The following PCNX1 variants were observed in gnomAD, a reference collection of about 807,000 sequenced individuals.
PCNX1 encodes the protein pecanex-like protein 1.
Under a neutral mutation model 242.2 loss-of-function variants are expected in PCNX1, and 78 were observed. That is an observed-to-expected ratio of 0.32 (90% confidence interval 0.27 to 0.39). The LOEUF is 0.39. Ranked by LOEUF, PCNX1 falls within the 10% of genes least tolerant of loss-of-function variation. The pLI, the probability that PCNX1 is intolerant of heterozygous loss-of-function variation, is 1.00. For missense variants in PCNX1, 2,581 were observed against 2,856.5 expected (o/e 0.90, Z 2.20); for synonymous variants, 1,024 against 1,032.9 (o/e 0.99, Z 0.17).
chr14:70,957,175 G>A (rs2058028144), intron 2 of PCNX1, among the ~76,000 whole-genome samples: 1 of 151,938 alleles, frequency 6.6e-6, no homozygotes, highest in African/African-American at 2.4e-5. Context: ...TTTTTGTAGA[G>A]ATGGGGTTTT....
chr14:71,114,393 G>A lies in PCNX1; in HGVS notation c.*4458G>A, dbSNP rs1337918823. The stretch of plus-strand genomic sequence containing the variant: ...AATTAATTATTATACAAATAAATCT[G>A]GTAGGATATGAGTGGAGTAAGTTTG... On this transcript the variant is annotated 3_prime_UTR_variant, in exon 36 of 36. Transcript: ENST00000304743. The A allele has an allele frequency of 6.6e-6, 1 of 152,122 alleles. No homozygotes were observed. Among genetic ancestry groups the A allele is most frequent in the Admixed American group, 6.5e-5 (1 of 15,272 alleles). 9.4% of individuals were successfully genotyped at this position (152,122 alleles called of 1,614,324 possible).
chr14:71,039,198 C>A (rs1019367312), intron 19 of PCNX1, among the ~76,000 whole-genome samples: 39 of 151,062 alleles, frequency 2.6e-4, no homozygotes, highest in Admixed American at 1.6e-3. Flanking sequence ...AATGTGCACA[C>A]GTACCCTAAA....
chr14:70,923,372 T>A (rs2056452781), intron 1 of PCNX1, among the ~76,000 whole-genome samples: 2 of 152,284 alleles, frequency 1.3e-5, no homozygotes, highest in South Asian at 4.1e-4. Context: ...AAGAAAAAAA[T>A]TCATGTTTTT....
chr14:71,048,331 A>G (rs1421950960), intron 22 of PCNX1, among the ~76,000 whole-genome samples: 5 of 152,326 alleles, frequency 3.3e-5, no homozygotes, highest in Non-Finnish European at 5.9e-5. Context: ...GCATAGCCCA[A>G]TGAAGCAGGT....
intron 11 of PCNX1, among the ~76,000 whole-genome samples, chr14:71,016,646 A>T (rs2059968686): frequency 6.6e-6 from 1 of 152,204 alleles, no homozygotes; most frequent in South Asian, 2.1e-4. Flanking sequence ...ATTAGAGAAG[A>T]TGTCAAGAGA....
intron 30 of PCNX1, among the ~76,000 whole-genome samples, chr14:71,096,709 C>T (rs545778261): frequency 2.1e-4 from 32 of 152,084 alleles, no homozygotes; most frequent in African/African-American, 7.0e-4. Flanking sequence ...TTAAGAACTG[C>T]TTATCAGTAT....
chr14:71,029,374 C>T (rs1282843967), intron 16 of PCNX1, among the ~76,000 whole-genome samples: 2 of 152,068 alleles, frequency 1.3e-5, no homozygotes, highest in African/African-American at 2.4e-5. Context: ...TGTTTGGCGA[C>T]TAGTGCAAGA....
At chr14:71,006,759 T>A (rs908062825) in intron 8 of PCNX1, among the ~76,000 whole-genome samples, 7 of 152,224 alleles carry the variant, frequency 4.6e-5, no homozygotes, top group Non-Finnish European at 1.5e-5. Flanking sequence ...GGTTATTTTT[T>A]AAGCTGCCTT....
At chr14:70,968,445 A>T (rs572992488) in intron 4 of PCNX1, among the ~76,000 whole-genome samples, 1 of 152,350 alleles carries the variant, frequency 6.6e-6, no homozygotes, top group Admixed American at 6.5e-5. Flanking sequence ...AAAGTGTCTG[A>T]CCACTTACAT....
At chr14:71,031,877 C>T in intron 16 of PCNX1, 2 of 1,455,386 alleles carry the variant, frequency 1.4e-6, no homozygotes, top group East Asian at 2.3e-5. Flanking sequence ...ACTTTCACAG[C>T]ACGAGCAGAT....
At position 71,047,955 on chromosome 14, in the gene PCNX1, C is replaced by T. The variant is rs1225837436; in HGVS notation, c.4309C>T (p.Leu1437Phe). 2 of 1,612,630 alleles carry T rather than the reference C, an allele frequency of 1.2e-6. No homozygotes were observed. Among genetic ancestry groups the T allele is most frequent in the South Asian group, 1.1e-5 (1 of 91,018 alleles). ...TTTTTCAGAGACCATGCTGTTGGAT[C>T]TCTTCTTTATGTCCATACTCTTCAA... ...EAFSETMLLD[L>F]FFMSILFNKL... The change falls in exon 22 of 36, where the codon CTC (leucine) becomes TTC (phenylalanine). Residue 1437 changes from leucine to phenylalanine, a missense_variant. By Grantham distance (22) the Leu-to-Phe change is conservative. Transcript: ENST00000304743.
chr14:71,004,081 A>G (rs948416536), intron 8 of PCNX1, among the ~76,000 whole-genome samples: 3 of 152,140 alleles, frequency 2.0e-5, no homozygotes, highest in African/African-American at 7.2e-5. Flanking sequence ...CTCTATACCT[A>G]CCTGTTTTTG....
chr14:71,056,777 C>G lies in PCNX1; in HGVS notation c.4637-732C>G, dbSNP rs1404959104. Among the ~76,000 whole-genome samples, 8 of 151,728 alleles carry G rather than the reference C, an allele frequency of 5.3e-5. No individual in the cohort carries two copies. The South Asian group carries it at 1.7e-3, about 33-fold the overall frequency. ...CACTGCAACCTCCACCTCCCAAGTT[C>G]AAGCAATTCTGCCTTCTCAGCCTCC... On this transcript the variant is annotated intron_variant, in intron 25 of 35. Transcript: ENST00000304743.
At chr14:71,104,140 C>A (rs373096515) in intron 32 of PCNX1, among the ~76,000 whole-genome samples, 2 of 152,312 alleles carry the variant, frequency 1.3e-5, no homozygotes, top group East Asian at 1.9e-4. Flanking sequence ...TACATTCTCA[C>A]TCAGATCTGA....
Position 71,076,410 on chromosome 14 carries a change from A to T in PCNX1, c.5328A>T (p.Arg1776=), listed in dbSNP as rs2061720081. The part of the protein sequence containing the change: ...YLNWIEYCSS[R]RAKPVDVDKD... ...ACTGGATAGAGTACTGCTCTTCCCGAAGAGCAAAGGTAGAGTTTATTTCAT... is the reference window on the plus strand; with the variant it reads ...ACTGGATAGAGTACTGCTCTTCCCGTAGAGCAAAGGTAGAGTTTATTTCAT... Residue 1776 remains arginine (R), a synonymous_variant, in exon 28 of 36, where the codon CGA becomes CGT. Transcript: ENST00000304743. 3 of 1,591,652 alleles carry T rather than the reference A, an allele frequency of 1.9e-6. No homozygotes were observed. Among genetic ancestry groups the T allele is most frequent in the Non-Finnish European group, 2.6e-6 (3 of 1,159,964 alleles).
intron 26 of PCNX1, among the ~76,000 whole-genome samples, chr14:71,066,980 G>A (rs987880423): frequency 2.0e-5 from 3 of 152,106 alleles, no homozygotes; most frequent in African/African-American, 7.2e-5. Context: ...TGGTGAATAA[G>A]CTTTTTGATG....
chr14:70,951,424 G>T (rs996960913), intron 2 of PCNX1, among the ~76,000 whole-genome samples: 1 of 151,992 alleles, frequency 6.6e-6, no homozygotes, highest in African/African-American at 2.4e-5. Flanking sequence ...TTGCCCAGAC[G>T]AGTGCAGTGG....
At chr14:70,909,232 G>C (rs1415275842) in intron 1 of PCNX1, among the ~76,000 whole-genome samples, 4 of 150,780 alleles carry the variant, frequency 2.7e-5, no homozygotes, top group Non-Finnish European at 4.4e-5. Context: ...CACATTTTTC[G>C]TTGAAATTGT....
chr14:71,002,838 A>G (rs2059543913), intron 8 of PCNX1, among the ~76,000 whole-genome samples: 1 of 152,166 alleles, frequency 6.6e-6, no homozygotes, highest in Non-Finnish European at 1.5e-5. Flanking sequence ...AGAGTTCTAC[A>G]TCCCCACCAC....
Sources: allele counts gnomAD v4.1 joint callset (sites outside exome capture counted in the v4.1 genomes callset), GRCh38; gene constraint gnomAD v4.1.1; transcripts MANE v1.5; gene names NCBI Gene and HGNC (gene_info 2026-07-23, HGNC 2026-07-21).